Variants in DDAH1 observed in about 807,000 individuals in gnomAD.
The protein encoded by DDAH1 is N(G),N(G)-dimethylarginine dimethylaminohydrolase 1.
DDAH1 carries 19 observed loss-of-function variants against 28.8 expected under a neutral mutation model. The observed-to-expected ratio is 0.66, with a 90% confidence interval of 0.46 to 0.97. The LOEUF is 0.97. Ranked by LOEUF, DDAH1 falls within the 50% of genes least tolerant of loss-of-function variation. The pLI, the probability that DDAH1 is intolerant of heterozygous loss-of-function variation, is 0.00. For synonymous variants in DDAH1, 153 were observed against 154.4 expected (o/e 0.99, Z 0.07); for missense variants, 326 against 375.9 (o/e 0.87, Z 1.10).
At chr1:85,339,764 G>A (rs938806460) in intron 4 of DDAH1, among the ~76,000 whole-genome samples, 1 of 152,094 alleles carries the variant, frequency 6.6e-6, no homozygotes, top group Non-Finnish European at 1.5e-5. Context: ...CCAAGCAATA[G>A]GATACTTATC....
intron 1 of DDAH1, among the ~76,000 whole-genome samples, chr1:85,359,414 G>A (rs983587707): frequency 1.1e-4 from 17 of 152,094 alleles, no homozygotes; most frequent in Non-Finnish European, 2.5e-4. Context: ...ACTAGTTAGG[G>A]CACATGAGTA....
At position 85,431,541 on chromosome 1, in the gene DDAH1, T is replaced by C. The variant is rs572095905; in HGVS notation, c.303+33202A>G. On this transcript the variant is annotated intron_variant, in intron 1 of 5. Coordinates refer to ENST00000284031, the MANE Select transcript of DDAH1 (RefSeq NM_012137.4). ...AGAAAACCTATGGTCCCTCTCTCCT[T>C]CTTTCCTTCTTCCCTCCTTCCTCAC... Among the ~76,000 whole-genome samples, 8 of 152,054 alleles carry C rather than the reference T, an allele frequency of 5.3e-5. No individual in the cohort carries two copies. In the East Asian group the frequency reaches 1.4e-3, roughly 26 times the overall value.
Position 85,464,840 on chromosome 1 carries a change from T to C in DDAH1, c.206A>G (p.Glu69Gly), listed in dbSNP as rs776426016. Residue 69 changes from glutamate to glycine, a missense_variant, in exon 1 of 6, where the codon GAG (glutamate) becomes GGG (glycine). Transcript: ENST00000284031. The surrounding 1 kb of genome is among the most constrained non-coding windows in gnomAD (Gnocchi z 4.4). ...CACGAAGACGCAGTCCGGAAGGCTCTCGTCGGCCGGCAGCTCCACCACCTG... is the reference window on the plus strand; with the variant it reads ...CACGAAGACGCAGTCCGGAAGGCTCCCGTCGGCCGGCAGCTCCACCACCTG... The part of the protein sequence containing the change: ...GLQVVELPAD[E>G]SLPDCVFVED... The C allele has an allele frequency of 3.1e-6, 5 of 1,588,232 alleles. No homozygotes were observed. The highest frequency in any genetic ancestry group is 4.3e-6 in the Non-Finnish European group (5 of 1,174,910).
intron 1 of DDAH1, among the ~76,000 whole-genome samples, chr1:85,436,145 GAAC>G (rs1359941177): frequency 6.6e-6 from 1 of 151,850 alleles, no homozygotes; most frequent in Non-Finnish European, 1.5e-5. Context: ...ATAAATTCAA[GAAC>G]AATACTAAAA....
At chr1:85,548,377 G>A (rs556057234) in intron 1 of DDAH1, among the ~76,000 whole-genome samples, 72 of 152,312 alleles carry the variant, frequency 4.7e-4, no homozygotes, top group Non-Finnish European at 9.6e-4. Context: ...TATAAATAAT[G>A]GAGCTGGCAT....
At chr1:85,573,258 A>G (rs1256616688) in intron 1 of DDAH1, among the ~76,000 whole-genome samples, 3 of 152,210 alleles carry the variant, frequency 2.0e-5, no homozygotes, top group African/African-American at 7.2e-5. Context: ...GTGCTCATCT[A>G]CTGTGCCCAG....
chr1:85,364,786 C>T (rs1030199986), intron 1 of DDAH1, among the ~76,000 whole-genome samples: 5 of 152,014 alleles, frequency 3.3e-5, no homozygotes, highest in South Asian at 2.1e-4. Context: ...TTAGGTGTTC[C>T]GCCTGTCTCA....
At position 85,321,149 on chromosome 1, in the gene DDAH1, C is replaced by A. The variant is rs1036286199; in HGVS notation, c.*303G>T. 2.9e-5 allele frequency: 6 copies of A among 205,536 alleles called. No homozygotes were observed. The East Asian group carries it at 5.3e-4, about 18-fold the overall frequency. 12.7% of individuals were successfully genotyped at this position (205,536 alleles called of 1,614,324 possible). On this transcript the variant is annotated 3_prime_UTR_variant, in exon 6 of 6. Transcript: ENST00000284031. ...TATACTGGCAACTAAATAATTTTCA[C>A]ACCAAAAATACAGACACTAAATGAG...
chr1:85,443,454 G>C (rs1465625918), intron 1 of DDAH1, among the ~76,000 whole-genome samples: 1 of 152,152 alleles, frequency 6.6e-6, no homozygotes, highest in East Asian at 1.9e-4. Flanking sequence ...TTGAAGTCAG[G>C]TAGCATGATG....
intron 1 of DDAH1, among the ~76,000 whole-genome samples, chr1:85,454,139 A>C (rs1413111746): frequency 6.6e-6 from 1 of 152,194 alleles, no homozygotes; most frequent in Non-Finnish European, 1.5e-5. Flanking sequence ...GCCTCTGAAA[A>C]ATGCAAAAGA....
At chr1:85,375,856 G>T (rs1435173285) in intron 1 of DDAH1, among the ~76,000 whole-genome samples, 1 of 152,014 alleles carries the variant, frequency 6.6e-6, no homozygotes, top group East Asian at 1.9e-4. Flanking sequence ...CCAGTTTAAA[G>T]AAAAAGGTCA....
At chr1:85,358,269 G>C (rs1230794809) in intron 2 of DDAH1, among the ~76,000 whole-genome samples, 3 of 152,172 alleles carry the variant, frequency 2.0e-5, no homozygotes, top group African/African-American at 7.2e-5. Context: ...GATTATATTT[G>C]AATAGAAGGT....
intron 1 of DDAH1, among the ~76,000 whole-genome samples, chr1:85,513,248 G>A (rs1331000435): frequency 2.6e-5 from 4 of 152,146 alleles, no homozygotes. Context: ...GAAGAAATGG[G>A]GAAAGGATTC....
chr1:85,569,366 A>G (rs1017233064), intron 1 of DDAH1, among the ~76,000 whole-genome samples: 2 of 152,188 alleles, frequency 1.3e-5, no homozygotes, highest in Non-Finnish European at 2.9e-5. Context: ...GTTAGTTCCT[A>G]TGTACTGACA....
At chr1:85,492,589 G>A (rs1387122306) in intron 2 of DDAH1, among the ~76,000 whole-genome samples, 1 of 152,116 alleles carries the variant, frequency 6.6e-6, no homozygotes, top group Admixed American at 6.5e-5. Flanking sequence ...AATTTCCTTT[G>A]TGATCCTGTT....
At chr1:85,433,423 T>C (rs1001569915) in intron 1 of DDAH1, among the ~76,000 whole-genome samples, 1 of 152,152 alleles carries the variant, frequency 6.6e-6, no homozygotes, top group African/African-American at 2.4e-5. Flanking sequence ...CTGTAGAGAT[T>C]CCTGTCCTTA....
chr1:85,408,685 T>C (rs989769230), intron 1 of DDAH1, among the ~76,000 whole-genome samples: 3 of 152,168 alleles, frequency 2.0e-5, no homozygotes, highest in Non-Finnish European at 4.4e-5. Flanking sequence ...GATGGTCATA[T>C]AGAACAAAAC....
chr1:85,557,642 A>G (rs1012665432), intron 1 of DDAH1, among the ~76,000 whole-genome samples: 2 of 152,132 alleles, frequency 1.3e-5, no homozygotes, highest in African/African-American at 4.8e-5. Context: ...TGTCTCCCCG[A>G]CCCCAAATTC....
chr1:85,329,565 C>T (rs1420720747), intron 4 of DDAH1, among the ~76,000 whole-genome samples: 1 of 152,082 alleles, frequency 6.6e-6, no homozygotes, highest in Admixed American at 6.6e-5. Flanking sequence ...TTTTTCATTA[C>T]TGGGAGGAAA....
Sources: allele counts gnomAD v4.1 joint callset (sites outside exome capture counted in the v4.1 genomes callset), GRCh38; gene constraint gnomAD v4.1.1; non-coding constraint Gnocchi (gnomAD v3.1); transcripts MANE v1.5; gene names NCBI Gene and HGNC (gene_info 2026-07-23, HGNC 2026-07-21).